MYH3: variants seen among roughly 807,000 people sequenced by gnomAD.
MYH3 encodes myosin heavy chain 3.
A neutral mutation model predicts 238.0 loss-of-function variants in MYH3; 130 were observed. That is an observed-to-expected ratio of 0.55 (90% CI 0.47 to 0.63). The LOEUF is 0.63. MYH3 is among the 30% of genes least tolerant of loss of function. The pLI, the probability that MYH3 is intolerant of heterozygous loss-of-function variation, is 0.00. For synonymous variants in MYH3, 880 were observed against 924.1 expected, an observed-to-expected ratio of 0.95 and a Z score of 0.86; for missense variants, 1,853 against 2,374.9, an observed-to-expected ratio of 0.78 and a Z score of 4.57.
upstream of MYH3, among the ~76,000 whole-genome samples, chr17:10,658,140 G>A (rs2074452416): frequency 6.6e-6 from 1 of 152,078 alleles, no homozygotes; most frequent in Non-Finnish European, 1.5e-5. Context: ...GCAGAGAAAG[G>A]GCGGACAAGG....
intron 17 of MYH3, among the ~76,000 whole-genome samples, chr17:10,641,905 A>G (rs1295287512): frequency 1.3e-5 from 2 of 152,170 alleles, no homozygotes; most frequent in African/African-American, 4.8e-5. Context: ...GAGGCTCGCC[A>G]AGTACAAAAT....
At chr17:10,641,998 T>G (rs535249382) in intron 17 of MYH3, among the ~76,000 whole-genome samples, 1 of 152,232 alleles carries the variant, frequency 6.6e-6, no homozygotes, top group Admixed American at 6.5e-5. Context: ...TTGGAGAGTT[T>G]ATGCTGGAAA....
intron 31 of MYH3, 109 bp downstream of exon 31, chr17:10,634,731 A>G (rs1372480415): frequency 1.2e-5 from 17 of 1,368,816 alleles, no homozygotes; most frequent in Non-Finnish European, 1.8e-5. Context: ...GCCCAAGGCC[A>G]CACTGCTGGT....
chr17:10,652,863 C>T (rs1001184576), intron 3 of MYH3, among the ~76,000 whole-genome samples: 1 of 151,860 alleles, frequency 6.6e-6, no homozygotes, highest in African/African-American at 2.4e-5. Context: ...CCTCGTGATC[C>T]ACCCGCCTCA....
In MYH3 at chr17:10,647,232, C is replaced by T. The variant is rs1298595859; in HGVS notation, c.848G>A (p.Ser283Asn). 6.2e-7 allele frequency: 1 copy of T among 1,614,104 alleles called. No homozygotes were observed. The highest frequency in any genetic ancestry group is 8.5e-7 in the Non-Finnish European group (1 of 1,180,044). Residue 283 changes from serine (S) to asparagine (N), a missense_variant, in exon 10 of 41, where the codon AGC becomes AAC. Ser to Asn is a conservative substitution (Grantham distance 46, BLOSUM62 1). Around this residue, in one of 3 missense-constraint regions of MYH3, gnomAD observed 678 missense variants for 1,058.9 expected, o/e 0.64. Transcript: ENST00000583535. ...AAGAATCTGGTAGAAGATGTGGTAG[C>T]TTCTTTCAGCCTTCAGCTGGAAAGT... ...RVTFQLKAERSYHIFYQILSN... is the reference protein window; with the variant it reads ...RVTFQLKAERNYHIFYQILSN...
intron 34 of MYH3, 45 bp from the exon 35 acceptor site, chr17:10,632,061 G>A: frequency 1.9e-6 from 3 of 1,594,678 alleles, no homozygotes; most frequent in Non-Finnish European, 2.6e-6. Flanking sequence ...TGAGGCGTTA[G>A]GACCACGAGC....
chr17:10,638,485 T>G, intron 26 of MYH3, 53 bp from the exon 27 acceptor site: 1 of 1,597,586 alleles, frequency 6.3e-7, no homozygotes, highest in African/African-American at 1.3e-5. Context: ...GCGGGGACTC[T>G]GATTGCCAAG....
chr17:10,675,800 T>C, the MYH3 span: 1 of 152,174 alleles, frequency 6.6e-6, no homozygotes, highest in African/African-American at 2.4e-5. Context: ...CCAACCTGAA[T>C]AACGCCACCC....
chr17:10,650,201 T>C (rs1359670020), intron 6 of MYH3, among the ~76,000 whole-genome samples, 173 bp downstream of exon 6: 1 of 152,130 alleles, frequency 6.6e-6, no homozygotes. Context: ...GGTCTCGATC[T>C]CCTGGACCTC....
intron 7 of MYH3, 137 bp downstream of exon 7, chr17:10,649,440 C>T (rs1458150113): frequency 3.9e-6 from 3 of 760,530 alleles, no homozygotes; most frequent in South Asian, 1.5e-5. Context: ...GACTGGCTGT[C>T]CTTCAAGATA....
At chr17:10,659,623 G>A (rs904570164), upstream of MYH3, among the ~76,000 whole-genome samples, 4 of 152,230 alleles carry the variant, frequency 2.6e-5, no homozygotes, top group South Asian at 2.1e-4. Context: ...GTAGGGCTGA[G>A]AAGAGGAAGA....
chr17:10,632,108 TTG>T (rs2074167775), intron 34 of MYH3, 92 bp from the exon 35 acceptor site: 1 of 1,383,674 alleles, frequency 7.2e-7, no homozygotes, highest in South Asian at 1.3e-5. Context: ...GTTTGTTTGT[TTG>T]TTTTTGTTTT....
chr17:10,636,012 C>T (rs2074212157), intron 28 of MYH3, among the ~76,000 whole-genome samples, 159 bp from the exon 29 acceptor site: 1 of 152,082 alleles, frequency 6.6e-6, no homozygotes, highest in African/African-American at 2.4e-5. Flanking sequence ...GAAAAGGAAA[C>T]TGAAAGCAGA....
chr17:10,643,064 C>T (rs921884697), intron 14 of MYH3, 68 bp from the exon 15 acceptor site: 68 of 1,612,948 alleles, frequency 4.2e-5, no homozygotes, highest in Admixed American at 2.2e-4. Flanking sequence ...TGTCAACATT[C>T]CTCCTCATTG....
chr17:10,653,967 T>A (rs2074402997), intron 3 of MYH3, among the ~76,000 whole-genome samples: 1 of 152,000 alleles, frequency 6.6e-6, no homozygotes, highest in Non-Finnish European at 1.5e-5. Context: ...GCGGTTCTTA[T>A]TTTTTGGGGG....
At chr17:10,656,537 C>CAAAAAAAAAAAAAAAAAAAA (rs71139057) in intron 1 of MYH3, among the ~76,000 whole-genome samples, 1 of 55,898 alleles carries the variant, frequency 1.8e-5, no homozygotes, top group African/African-American at 4.9e-5. Flanking sequence ...AATTCTGTCT[C>CAAAAAAAAAAAAAAAAAAAA]AAAAAAAAAA....
chr17:10,641,559 T>G (rs1031673200), intron 17 of MYH3, among the ~76,000 whole-genome samples, 187 bp from the exon 18 acceptor site: 5 of 146,622 alleles, frequency 3.4e-5, no homozygotes, highest in Non-Finnish European at 7.4e-5. Flanking sequence ...CTGTCACCCA[T>G]GCTGGAATGC....
At chr17:10,640,307 A>G in intron 21 of MYH3, 26 bp downstream of exon 21, 1 of 1,614,238 alleles carries the variant, frequency 6.2e-7, no homozygotes, top group Non-Finnish European at 8.5e-7. Flanking sequence ...CAAAGAGCTC[A>G]TGTCTGAACA....
In MYH3 at chr17:10,638,288, T is replaced by A; in HGVS notation, c.3484A>T (p.Ile1162Leu). The change falls in exon 27 of 41, where the codon ATA becomes TTA. Residue 1162 changes from isoleucine (I) to leucine (L), a missense_variant. Transcript: ENST00000583535. ...GCCTCCCGCTTCTTGTTGAGCTCTA[T>A]CTGCGTGGAGGTGACGCCTCCCGCC... ...EEAGGVTSTQ[I>L]ELNKKREAEF... is the part of the protein sequence containing the mutation. 5 of 1,613,642 alleles carry A rather than the reference T, an allele frequency of 3.1e-6. No homozygotes were observed. The highest frequency in any genetic ancestry group is 4.2e-6 in the Non-Finnish European group (5 of 1,179,972).
Sources: allele counts gnomAD v4.1 joint callset (sites outside exome capture counted in the v4.1 genomes callset), GRCh38; gene constraint gnomAD v4.1.1; regional missense constraint gnomAD v4.1.1; transcripts MANE v1.5; gene names NCBI Gene and HGNC (gene_info 2026-07-23, HGNC 2026-07-21).